Variants in PLEKHG1 observed in about 807,000 individuals in gnomAD.
The protein encoded by PLEKHG1 is pleckstrin homology and RhoGEF domain containing G1.
PLEKHG1 carries 44 observed loss-of-function variants against 100.8 expected under a neutral mutation model. The ratio of observed to expected loss-of-function variants is 0.44; its 90% CI spans 0.34 to 0.56. The LOEUF is 0.56. PLEKHG1 is among the 20% of genes least tolerant of loss of function. The pLI, the probability that PLEKHG1 is intolerant of heterozygous loss-of-function variation, is 0.01. For synonymous variants in PLEKHG1, 640 were observed against 662.5 expected (o/e 0.97, Z 0.52); for missense variants, 1,545 against 1,720.9 (o/e 0.90, Z 1.81).
chr6:150,772,623 A>C (rs1015225946), intron 3 of PLEKHG1, among the ~76,000 whole-genome samples: 11 of 152,176 alleles, frequency 7.2e-5, no homozygotes, highest in African/African-American at 2.2e-4. Context: ...TGTCTCAAAA[A>C]ATAAGTCATA....
chr6:150,781,306 A>G (rs1353752561), intron 3 of PLEKHG1, among the ~76,000 whole-genome samples: 1 of 150,554 alleles, frequency 6.6e-6, no homozygotes, highest in Non-Finnish European at 1.5e-5. Context: ...AGAGTTCAAG[A>G]CCAGCCTGAC....
intron 2 of PLEKHG1, among the ~76,000 whole-genome samples, chr6:150,758,694 G>A (rs1783988843): frequency 6.6e-6 from 1 of 152,166 alleles, no homozygotes. Context: ...TCTTATTGTG[G>A]TTTTGATTTG....
At chr6:150,644,334 G>GGTTT (rs1554255840) in intron 2 of PLEKHG1, among the ~76,000 whole-genome samples, 3 of 117,622 alleles carry the variant, frequency 2.6e-5, no homozygotes, top group South Asian at 2.9e-4. Context: ...TTCTTTTCGT[G>GGTTT]TTTTTTTTTT....
chr6:150,760,789 G>A (rs553686928), intron 2 of PLEKHG1, among the ~76,000 whole-genome samples: 1 of 152,186 alleles, frequency 6.6e-6, no homozygotes, highest in East Asian at 1.9e-4. Context: ...AGTTTTAGAA[G>A]CACTTTGGCA....
intron 1 of PLEKHG1, among the ~76,000 whole-genome samples, chr6:150,610,659 G>C (rs1301767207): frequency 2.0e-5 from 3 of 152,196 alleles, no homozygotes; most frequent in Non-Finnish European, 4.4e-5. Flanking sequence ...GGAAAGCAAA[G>C]AAAAACCCAC....
chr6:150,630,061 C>T (rs1236685049), intron 1 of PLEKHG1, among the ~76,000 whole-genome samples: 3 of 152,142 alleles, frequency 2.0e-5, no homozygotes, highest in Non-Finnish European at 4.4e-5. Context: ...ACTGGTGATG[C>T]CATTCTTTAT....
At chr6:150,634,883 G>A (rs1777926222) in intron 1 of PLEKHG1, among the ~76,000 whole-genome samples, 1 of 152,346 alleles carries the variant, frequency 6.6e-6, no homozygotes, top group Non-Finnish European at 1.5e-5. Context: ...CGACCTCAGA[G>A]TAGGAGTGGG....
chr6:150,826,142 A>G (rs1375605144), intron 14 of PLEKHG1, among the ~76,000 whole-genome samples: 3 of 151,920 alleles, frequency 2.0e-5, no homozygotes, highest in Non-Finnish European at 4.4e-5. Flanking sequence ...AAATCGTGCC[A>G]TTGCACTCCA....
chr6:150,722,491 T>C (rs1781749053), intron 1 of PLEKHG1, among the ~76,000 whole-genome samples: 1 of 151,854 alleles, frequency 6.6e-6, no homozygotes, highest in Admixed American at 6.6e-5. Flanking sequence ...GTAGCTGGGA[T>C]TACAGGCACG....
chr6:150,818,051 TTAACA>T, intron 10 of PLEKHG1, 127 bp from the exon 12 acceptor site: 1 of 747,478 alleles, frequency 1.3e-6, no homozygotes. Context: ...GTGTAAATGC[TTAACA>T]TAAATAGCGA....
At chr6:150,642,790 C>G (rs1413449749) in intron 2 of PLEKHG1, among the ~76,000 whole-genome samples, 1 of 152,184 alleles carries the variant, frequency 6.6e-6, no homozygotes, top group East Asian at 1.9e-4. Context: ...TATTACAGCA[C>G]TTGTAATATA....
At chr6:150,714,773 CT>C (rs1187088618) in intron 3 of PLEKHG1, among the ~76,000 whole-genome samples, 1 of 151,506 alleles carries the variant, frequency 6.6e-6, no homozygotes, top group East Asian at 1.9e-4. Flanking sequence ...TACTTGAGTG[CT>C]TTTGTCTGCT....
In PLEKHG1 at chr6:150,667,048, G is replaced by A. The variant is rs573844549; in HGVS notation, c.-99+16262G>A. On this transcript the variant is annotated intron_variant, in intron 3 of 3. Coordinates refer to the PLEKHG1 transcript ENST00000367326. ...GCTGGGATTACAGGCGTGAGCCACT[G>A]CGCCCAGCCTGATAAGATTTTTAAA... Among the ~76,000 whole-genome samples the A allele has an allele frequency of 6.7e-3, 1,023 of 152,082 alleles. 12 individuals are homozygous for A. Among genetic ancestry groups the A allele is most frequent in the African/African-American group, 0.023 (968 of 41,480 alleles).
chr6:150,607,051 G>A (rs1172466103), intron 1 of PLEKHG1, among the ~76,000 whole-genome samples: 5 of 152,026 alleles, frequency 3.3e-5, no homozygotes, highest in African/African-American at 1.2e-4. Flanking sequence ...CCAACTTCTC[G>A]TGTGATTAAA....
chr6:150,691,799 T>C (rs1331469603), intron 3 of PLEKHG1, among the ~76,000 whole-genome samples: 3 of 152,222 alleles, frequency 2.0e-5, no homozygotes, highest in Non-Finnish European at 2.9e-5. Flanking sequence ...ACAATGATGT[T>C]AGGAGAAATG....
At chr6:150,639,885 T>C (rs1778180276) in intron 2 of PLEKHG1, among the ~76,000 whole-genome samples, 1 of 152,244 alleles carries the variant, frequency 6.6e-6, no homozygotes, top group Non-Finnish European at 1.5e-5. Context: ...ATGCTGCCAT[T>C]AGACTAATTT....
At chr6:150,720,759 G>A (rs12210829), upstream of PLEKHG1, among the ~76,000 whole-genome samples, 4,621 of 152,302 alleles carry the variant, frequency 0.03, 105 homozygotes, top group Non-Finnish European at 0.043. Flanking sequence ...CAAAGATCTT[G>A]CTTATTTTAT....
intron 14 of PLEKHG1, among the ~76,000 whole-genome samples, chr6:150,825,259 A>G (rs990933986): frequency 2.6e-5 from 4 of 152,200 alleles, no homozygotes; most frequent in Non-Finnish European, 5.9e-5. Flanking sequence ...AAATTCAAGG[A>G]GAGCAGATTT....
intron 1 of PLEKHG1, among the ~76,000 whole-genome samples, chr6:150,728,095 T>C (rs1782048749): frequency 6.6e-6 from 1 of 152,230 alleles, no homozygotes; most frequent in African/African-American, 2.4e-5. Flanking sequence ...TGTGCATTAA[T>C]AAGTGGAGTA....
Sources: allele counts gnomAD v4.1 joint callset (sites outside exome capture counted in the v4.1 genomes callset), GRCh38; gene constraint gnomAD v4.1.1; transcripts MANE v1.5; gene names NCBI Gene and HGNC (gene_info 2026-07-23, HGNC 2026-07-21).